Variants in PLD1 observed in about 807,000 individuals in gnomAD.
PLD1 encodes phospholipase D1, also known as choline phosphatase 1.
PLD1 carries 112 observed loss-of-function variants against 137.1 expected under a neutral mutation model. The ratio of observed to expected loss-of-function variants is 0.82; its 90% confidence interval spans 0.70 to 0.96. The LOEUF (loss-of-function observed/expected upper bound fraction) is 0.96, where lower values mean the gene tolerates loss of function less well. Among genes scored for constraint, PLD1 ranks in the 40% least tolerant of loss-of-function variants. The probability of loss-of-function intolerance (pLI) is 0.00; values close to 1 mark genes in which losing one functional copy is unlikely to be tolerated. For missense variants in PLD1, 1,321 were observed against 1,342.0 expected (o/e 0.98, Z 0.24); for synonymous variants, 431 against 454.7 (o/e 0.95, Z 0.66).
intron 13 of PLD1, among the ~76,000 whole-genome samples, chr3:171,691,884 T>C (rs1280109438): frequency 1.3e-5 from 2 of 152,240 alleles, no homozygotes; most frequent in Non-Finnish European, 2.9e-5. Flanking sequence ...AAATTGCTTT[T>C]CATGTTTATT....
chr3:171,788,957 A>G (rs1043146697), intron 1 of PLD1: 1 of 152,160 alleles, frequency 6.6e-6, no homozygotes, highest in Non-Finnish European at 1.5e-5. Context: ...TGTGCTATGC[A>G]CTCTGCTAGG....
intron 1 of PLD1, among the ~76,000 whole-genome samples, chr3:171,804,127 T>C (rs2108360911): frequency 6.6e-6 from 1 of 152,320 alleles, no homozygotes; most frequent in South Asian, 2.1e-4. Context: ...TTTGGGTCTG[T>C]ATCTTCAGAG....
At chr3:171,782,451 T>G (rs1722831568) in intron 1 of PLD1, among the ~76,000 whole-genome samples, 2 of 152,270 alleles carry the variant, frequency 1.3e-5, no homozygotes, top group South Asian at 4.1e-4. Flanking sequence ...ATTAATCATA[T>G]GTACCCTGAA....
At chr3:171,652,440 A>G (rs1382457068) in intron 21 of PLD1, among the ~76,000 whole-genome samples, 3 of 150,702 alleles carry the variant, frequency 2.0e-5, no homozygotes, top group African/African-American at 4.9e-5. Flanking sequence ...AAGGTACTGC[A>G]GTTGAATTTT....
At chr3:171,618,720 ATGTGTGTGTGTGTGTGTGTG>A (rs199668732) in intron 24 of PLD1, among the ~76,000 whole-genome samples, 3 of 140,658 alleles carry the variant, frequency 2.1e-5, no homozygotes, top group Non-Finnish European at 3.2e-5. Flanking sequence ...AAAAGTGTGT[ATGTGTGTGTGTGTGTGTGTG>A]TGTGTGTGTG....
chr3:171,646,389 T>G (rs753781880), intron 21 of PLD1, among the ~76,000 whole-genome samples: 9 of 152,218 alleles, frequency 5.9e-5, no homozygotes, highest in Admixed American at 1.3e-4. Context: ...GATCAGATTT[T>G]ATTACTGATG....
intron 1 of PLD1, among the ~76,000 whole-genome samples, chr3:171,745,099 TAG>T (rs1720050397): frequency 6.6e-6 from 1 of 152,258 alleles, no homozygotes; most frequent in Non-Finnish European, 1.5e-5. Flanking sequence ...TAATATATCC[TAG>T]AGTTAAATAT....
chr3:171,786,832 C>T (rs1229386435), intron 1 of PLD1, among the ~76,000 whole-genome samples: 1 of 152,096 alleles, frequency 6.6e-6, no homozygotes, highest in African/African-American at 2.4e-5. Context: ...ATGGGAATTT[C>T]CTTATGAATT....
Position 171,686,677 on chromosome 3 carries a change from T to G in PLD1, c.1867+8A>C, listed in dbSNP as rs759313900. Reference sequence around the variant, plus strand: ...TAAGGGAGTTCTGCCACTTCACAAATTACTTACCAGCATGAGGTCTAGTGA... The same window carrying G: ...TAAGGGAGTTCTGCCACTTCACAAAGTACTTACCAGCATGAGGTCTAGTGA... On this transcript the variant is annotated splice_region_variant and intron_variant, in intron 16 of 26. Transcript: ENST00000351298. 2.1e-6 allele frequency: 3 copies of G among 1,416,430 alleles called. No individual in the cohort carries two copies. The highest frequency in any genetic ancestry group is 3.0e-6 in the Non-Finnish European group (3 of 1,011,730). 87.7% of individuals were successfully genotyped at this position (1,416,430 alleles called of 1,614,324 possible). A position where few individuals can be genotyped will look rare whatever the true frequency, so the allele number is the denominator to read the frequency against.
chr3:171,699,887 C>A, intron 11 of PLD1, 61 bp from the exon 12 acceptor site: 1 of 1,380,188 alleles, frequency 7.2e-7, no homozygotes, highest in Non-Finnish European at 1.0e-6. Context: ...CTGATTGTGT[C>A]ATAGGAAGCA....
At chr3:171,632,265 C>T (rs997196830) in intron 23 of PLD1, among the ~76,000 whole-genome samples, 44 of 152,138 alleles carry the variant, frequency 2.9e-4, no homozygotes, top group African/African-American at 1.0e-3. Flanking sequence ...AAAGCTCTGC[C>T]ACCCCCCAAA....
intron 17 of PLD1, among the ~76,000 whole-genome samples, chr3:171,677,313 C>A (rs1488035333): frequency 6.6e-6 from 1 of 151,974 alleles, no homozygotes; most frequent in Non-Finnish European, 1.5e-5. Flanking sequence ...ATTATTGCCC[C>A]CAAAATATGC....
intron 25 of PLD1, among the ~76,000 whole-genome samples, chr3:171,610,000 T>C (rs433586): frequency 0.97 from 147,335 of 152,338 alleles, 71,285 homozygotes; most frequent in East Asian, 1. Context: ...CTAATAAACA[T>C]ATTTTTAATT....
At chr3:171,757,326 G>A (rs1023403361) in intron 1 of PLD1, among the ~76,000 whole-genome samples, 1 of 152,146 alleles carries the variant, frequency 6.6e-6, no homozygotes, top group Non-Finnish European at 1.5e-5. Flanking sequence ...AGAAAGTATG[G>A]AAGGCTCAAT....
At chr3:171,722,929 G>A (rs576396941) in intron 8 of PLD1, among the ~76,000 whole-genome samples, 1 of 152,030 alleles carries the variant, frequency 6.6e-6, no homozygotes, top group Non-Finnish European at 1.5e-5. Context: ...TTTGATACAA[G>A]CATATAATGT....
At chr3:171,749,582 A>G (rs1720510686) in intron 1 of PLD1, among the ~76,000 whole-genome samples, 1 of 152,248 alleles carries the variant, frequency 6.6e-6, no homozygotes, top group African/African-American at 2.4e-5. Flanking sequence ...TGGAATATAT[A>G]TATGAAACTG....
chr3:171,687,462 T>C lies in PLD1; in HGVS notation c.1662A>G (p.Pro554=). 1.9e-6 allele frequency: 3 copies of C among 1,614,182 alleles called. No homozygotes were observed. Among genetic ancestry groups the C allele is most frequent in the Non-Finnish European group, 2.5e-6 (3 of 1,180,026 alleles). Residue 554 remains proline, a synonymous_variant, in exon 15 of 27, where the codon CCA becomes CCG. Coordinates refer to ENST00000351298, the MANE Select transcript of PLD1 (RefSeq NM_002662.5). The part of the protein sequence containing the change: ...VDSKLKGIGK[P]RKFSKFSLYK... The stretch of plus-strand genomic sequence containing the variant: ...AGAGACTAAATTTGGAGAACTTTCT[T>C]GGCTTTCCTATTCCTTTCAGTTTTG...
Position 171,756,470 on chromosome 3 carries a change from T to C in PLD1, c.-31-18388A>G, listed in dbSNP as rs553100183. ...TAATGCCTTAATGGGACCACCAGAATTCTGTCTGTCACATTTAAGAAGCAA... is the reference window on the plus strand; with the variant it reads ...TAATGCCTTAATGGGACCACCAGAACTCTGTCTGTCACATTTAAGAAGCAA... On this transcript the variant is annotated intron_variant, in intron 1 of 26. Coordinates refer to ENST00000351298, the MANE Select transcript of PLD1 (RefSeq NM_002662.5). 2.6e-5 allele frequency among the ~76,000 whole-genome samples: 4 copies of C among 152,328 alleles called. No homozygotes were observed. The South Asian group carries it at 8.3e-4, about 32-fold the overall frequency.
intron 1 of PLD1, chr3:171,789,012 A>C (rs1044692263): frequency 2.6e-5 from 4 of 152,316 alleles, no homozygotes; most frequent in African/African-American, 4.8e-5. Flanking sequence ...GTCCTCAAAA[A>C]GCTGGCAAAC....
Sources: gnomAD v4.1 joint callset for allele counts (sites outside exome capture counted in the v4.1 genomes callset) on GRCh38, gnomAD v4.1.1 for gene constraint, MANE v1.5 for transcripts, NCBI Gene and HGNC (gene_info 2026-07-23, HGNC 2026-07-21) for gene names.